The following CTNND2 variants were observed in gnomAD, a reference collection of about 807,000 sequenced individuals.
CTNND2 encodes catenin delta-2.
A neutral mutation model predicts 144.4 loss-of-function variants in CTNND2; 22 were observed. That is an observed-to-expected ratio of 0.15 (90% confidence interval 0.11 to 0.22). The LOEUF is 0.22. Among genes scored for constraint, CTNND2 ranks in the 10% least tolerant of loss-of-function variants. The pLI is 1.00. For synonymous variants in CTNND2, 751 were observed against 695.6 expected (o/e 1.08, Z -1.25); for missense variants, 1,353 against 1,618.8 (o/e 0.84, Z 2.82).
intron 14 of CTNND2, 135 bp from the exon 15 acceptor site, chr5:11,098,883 A>C (rs1246235446): frequency 1.4e-6 from 1 of 732,252 alleles, no homozygotes; most frequent in African/African-American, 1.8e-5. Flanking sequence ...CACGGAGGCT[A>C]TTGCATCAGC....
chr5:11,255,956 T>A (rs1389782208), intron 9 of CTNND2, among the ~76,000 whole-genome samples: 1 of 152,198 alleles, frequency 6.6e-6, no homozygotes, highest in East Asian at 1.9e-4. Flanking sequence ...CCCAGCATTT[T>A]ACTGACCTTC....
chr5:11,337,149 C>G (rs183998867), intron 9 of CTNND2, among the ~76,000 whole-genome samples: 83 of 152,254 alleles, frequency 5.5e-4, no homozygotes, highest in Non-Finnish European at 1.2e-3. Context: ...TCCCAGAACT[C>G]TAAAAGATAT....
At chr5:11,887,218 T>A (rs1022844004) in intron 1 of CTNND2, among the ~76,000 whole-genome samples, 1 of 151,888 alleles carries the variant, frequency 6.6e-6, no homozygotes, top group Non-Finnish European at 1.5e-5. Context: ...CTTCTGACCT[T>A]GTGATCCGCC....
At chr5:11,849,949 C>A (rs748831502) in intron 1 of CTNND2, among the ~76,000 whole-genome samples, 1 of 152,058 alleles carries the variant, frequency 6.6e-6, no homozygotes, top group Admixed American at 6.6e-5. Flanking sequence ...AGCAATCTGG[C>A]CATAAGATAG....
chr5:11,898,634 G>A (rs1487228134), intron 1 of CTNND2, among the ~76,000 whole-genome samples: 2 of 151,984 alleles, frequency 1.3e-5, no homozygotes, highest in Non-Finnish European at 2.9e-5. Flanking sequence ...TTCAAAACTT[G>A]TAGAAATGTT....
chr5:11,459,774 C>T (rs1581242966), intron 3 of CTNND2, among the ~76,000 whole-genome samples: 1 of 152,266 alleles, frequency 6.6e-6, no homozygotes, highest in East Asian at 1.9e-4. Context: ...GTACACTTGG[C>T]AGAGTGCATT....
At chr5:11,550,436 C>T (rs1476611791) in intron 3 of CTNND2, among the ~76,000 whole-genome samples, 1 of 152,192 alleles carries the variant, frequency 6.6e-6, no homozygotes, top group Non-Finnish European at 1.5e-5. Context: ...CAGGTGGATG[C>T]CATCATTCCC....
chr5:11,894,416 T>C (rs1405412955), intron 1 of CTNND2, among the ~76,000 whole-genome samples: 1 of 152,226 alleles, frequency 6.6e-6, no homozygotes, highest in Admixed American at 6.5e-5. Context: ...AGGAGAATTC[T>C]TCCTTTAGGC....
chr5:11,770,228 G>A (rs2126823100), intron 1 of CTNND2, among the ~76,000 whole-genome samples: 1 of 152,214 alleles, frequency 6.6e-6, no homozygotes. Flanking sequence ...CCTGGTCTCT[G>A]TATTTTTCAA....
intron 3 of CTNND2, among the ~76,000 whole-genome samples, chr5:11,525,151 G>A (rs1321756160): frequency 6.6e-6 from 1 of 152,128 alleles, no homozygotes; most frequent in East Asian, 1.9e-4. Flanking sequence ...TCACTATGGA[G>A]AGCTCTAGGG....
rs140463247 is a variant in CTNND2, at chr5:11,903,209, T to C, written c.37+608A>G. 3.7e-4 allele frequency: 366 copies of C among 985,450 alleles called. 1 individual carries two copies. In the African/African-American group the frequency reaches 5.4e-3, roughly 15 times the overall value. The allele number at this position is 985,450 out of a possible 1,614,324, so 61.0% of individuals were successfully genotyped here. A position where few individuals can be genotyped will look rare whatever the true frequency, so the allele number is the denominator to read the frequency against. ...CGGCGCTTTCTGGAGCCTGGCTGTCTATTGTCAGCACGCAGAAGCCCCCGA... is the reference window on the plus strand; with the variant it reads ...CGGCGCTTTCTGGAGCCTGGCTGTCCATTGTCAGCACGCAGAAGCCCCCGA... On this transcript the variant is annotated intron_variant, in intron 1 of 21. Coordinates refer to ENST00000304623, the MANE Select transcript of CTNND2 (RefSeq NM_001332.4). The surrounding 1 kb of genome is among the most constrained non-coding windows in gnomAD (Gnocchi z 5.4).
At chr5:11,368,990 T>C (rs1308617383) in intron 7 of CTNND2, among the ~76,000 whole-genome samples, 1 of 152,228 alleles carries the variant, frequency 6.6e-6, no homozygotes, top group African/African-American at 2.4e-5. Context: ...CATGCAAATA[T>C]ATCTTTTGAT....
intron 2 of CTNND2, among the ~76,000 whole-genome samples, chr5:11,685,332 T>A (rs954962934): frequency 3.3e-5 from 5 of 152,172 alleles, no homozygotes; most frequent in Admixed American, 1.3e-4. Context: ...GAAAGCAAAG[T>A]GTCAGCCATC....
In CTNND2 at chr5:11,111,058, GAA is replaced by G; in HGVS notation, c.2278-17_2278-16del. The G allele has an allele frequency of 6.8e-6, 11 of 1,606,882 alleles. No individual in the cohort carries two copies. Among genetic ancestry groups the G allele is most frequent in the Non-Finnish European group, 9.4e-6 (11 of 1,174,304 alleles). ...TTTTCAACGGTCTGCAGAAAAGGGG[GAA>G]ACAGAGGAAAGAATGAGTAAAACTA... On this transcript the variant is annotated splice_polypyrimidine_tract_variant and intron_variant, in intron 13 of 21. Transcript: ENST00000304623.
intron 3 of CTNND2, among the ~76,000 whole-genome samples, chr5:11,457,571 T>G (rs1561422876): frequency 1.3e-5 from 2 of 152,204 alleles, no homozygotes; most frequent in African/African-American, 2.4e-5. Context: ...TGGCATTTTT[T>G]CTACTTCATC....
chr5:11,277,085 A>T (rs563579694), intron 9 of CTNND2, among the ~76,000 whole-genome samples: 1 of 152,348 alleles, frequency 6.6e-6, no homozygotes, highest in Non-Finnish European at 1.5e-5. Flanking sequence ...AAAGAAACGC[A>T]TCTAATGAAA....
At chr5:11,674,716 TTTGG>T (rs56819149) in intron 2 of CTNND2, among the ~76,000 whole-genome samples, 11 of 150,886 alleles carry the variant, frequency 7.3e-5, no homozygotes, top group Admixed American at 4.0e-4. Context: ...TGTTTGTTTG[TTTGG>T]TTGGTTGGTT....
At chr5:11,033,634 G>C (rs111716662) in intron 16 of CTNND2, among the ~76,000 whole-genome samples, 19,259 of 152,136 alleles carry the variant, frequency 0.13, 1,333 homozygotes, top group Non-Finnish European at 0.16. Context: ...TTCGAGACCA[G>C]CTTGGCCAAC....
In CTNND2 at chr5:11,346,595, AG is replaced by A; in HGVS notation, c.1404del (p.Leu469CysfsTer87). 6.4e-7 allele frequency: 1 copy of A among 1,568,100 alleles called. No homozygotes were observed. Among genetic ancestry groups the A allele is most frequent in the Non-Finnish European group, 8.6e-7 (1 of 1,156,180 alleles). On this transcript the variant is annotated frameshift_variant, in exon 9 of 22. Transcript: ENST00000304623. LOFTEE classifies it high-confidence loss of function. The stretch of plus-strand genomic sequence containing the variant: ...CCGTGCTGGCTGCCTGTGCGCTGCA[AG>A]GGGACGGAGTCGACACCAGGGGAAG... ...APSSPGVDSV[P>X]LQRTGSQHGP...
Sources: allele counts gnomAD v4.1 joint callset (sites outside exome capture counted in the v4.1 genomes callset), GRCh38; gene constraint gnomAD v4.1.1; non-coding constraint Gnocchi (gnomAD v3.1); transcripts MANE v1.5; gene names NCBI Gene and HGNC (gene_info 2026-07-23, HGNC 2026-07-21).